Variants in ALKAL1 observed in about 807,000 individuals in gnomAD.
The protein encoded by ALKAL1 is ALK and LTK ligand 1.
A neutral mutation model predicts 13.5 loss-of-function variants in ALKAL1; 23 were observed. The ratio of observed to expected loss-of-function variants is 1.70; its 90% CI spans 1.23 to 2.41. The LOEUF (loss-of-function observed/expected upper bound fraction) is 2.41, where lower values mean the gene tolerates loss of function less well. Among genes scored for constraint, ALKAL1 ranks in the 30% most tolerant of loss-of-function variants. ALKAL1 has a pLI of 0.00. For synonymous variants in ALKAL1, 85 were observed against 77.7 expected, an observed-to-expected ratio of 1.09 and a Z score of -0.49; for missense variants, 181 against 178.4, an observed-to-expected ratio of 1.01 and a Z score of -0.08.
At chr8:52,542,247 C>G (rs977163082) in intron 2 of ALKAL1, 145 bp downstream of exon 2, 7 of 566,904 alleles carry the variant, frequency 1.2e-5, no homozygotes, top group Non-Finnish European at 1.9e-5. Flanking sequence ...ACAGTTAACA[C>G]AAGTTAGTAG....
At chr8:52,554,410 A>C (rs985141880) in intron 1 of ALKAL1, among the ~76,000 whole-genome samples, 1 of 152,222 alleles carries the variant, frequency 6.6e-6, no homozygotes, top group African/African-American at 2.4e-5. Flanking sequence ...ATTTATCAAC[A>C]AACAAAGCAA....
intron 4 of ALKAL1, among the ~76,000 whole-genome samples, chr8:52,535,385 CAA>C (rs879837990): frequency 4.1e-4 from 48 of 116,376 alleles, no homozygotes; most frequent in Admixed American, 6.3e-4. Flanking sequence ...CTGTTGCCAC[CAA>C]AAAAAAAAAA....
chr8:52,549,808 G>A (rs1563321814), intron 1 of ALKAL1, among the ~76,000 whole-genome samples: 2 of 151,992 alleles, frequency 1.3e-5, no homozygotes, highest in African/African-American at 2.4e-5. Flanking sequence ...CAGGCGTGGT[G>A]GCACACACCT....
Position 52,565,366 on chromosome 8 carries a change from C to A in ALKAL1, c.-110G>T. 1 of 902,764 alleles carries A rather than the reference C, an allele frequency of 1.1e-6. No homozygotes were observed. 55.9% of individuals were successfully genotyped at this position (902,764 alleles called of 1,614,324 possible). A position where few individuals can be genotyped will look rare whatever the true frequency, so the allele number is the denominator to read the frequency against. On this transcript the variant is annotated 5_prime_UTR_variant, in exon 1 of 5. Transcript: ENST00000358543. ...GCGGGACCACAGCGCGGCTACGCGG[C>A]CGGCCGCAGTCTTCACCGCGCGCCT...
At chr8:52,564,711 T>C (rs940980021) in intron 1 of ALKAL1, among the ~76,000 whole-genome samples, 16 of 152,030 alleles carry the variant, frequency 1.1e-4, no homozygotes, top group African/African-American at 3.9e-4. Context: ...CCCCGGAAGA[T>C]CCAGAAATGG....
chr8:52,553,000 C>T (rs1440358601), intron 1 of ALKAL1, among the ~76,000 whole-genome samples: 2 of 152,158 alleles, frequency 1.3e-5, no homozygotes, highest in African/African-American at 4.8e-5. Flanking sequence ...TATAAGTGAG[C>T]AACTTGATTT....
At chr8:52,539,479 T>C (rs943416887) in intron 3 of ALKAL1, among the ~76,000 whole-genome samples, 1 of 152,206 alleles carries the variant, frequency 6.6e-6, no homozygotes, top group Non-Finnish European at 1.5e-5. Flanking sequence ...AAAAAATTTT[T>C]ACTTAGAGTT....
At chr8:52,537,657 C>T (rs944003134) in intron 4 of ALKAL1, among the ~76,000 whole-genome samples, 1 of 151,914 alleles carries the variant, frequency 6.6e-6, no homozygotes, top group Admixed American at 6.6e-5. Flanking sequence ...GAATGAAATG[C>T]TATCATTCTA....
At chr8:52,545,801 T>C (rs1052131398) in intron 1 of ALKAL1, among the ~76,000 whole-genome samples, 1 of 152,202 alleles carries the variant, frequency 6.6e-6, no homozygotes, top group Non-Finnish European at 1.5e-5. Flanking sequence ...GGGCAAATAA[T>C]AGATGCAGAC....
intron 1 of ALKAL1, among the ~76,000 whole-genome samples, chr8:52,553,967 T>G (rs190518394): frequency 1.1e-4 from 16 of 152,336 alleles, no homozygotes; most frequent in African/African-American, 3.6e-4. Flanking sequence ...CTCATGCCTG[T>G]AATCCCAGCA....
chr8:52,540,360 G>C (rs1296518201), intron 2 of ALKAL1, among the ~76,000 whole-genome samples: 2 of 152,092 alleles, frequency 1.3e-5, no homozygotes, highest in African/African-American at 2.4e-5. Flanking sequence ...TTACTGTCTA[G>C]GATAATTGTA....
chr8:52,551,630 C>T (rs914946771), intron 1 of ALKAL1, among the ~76,000 whole-genome samples: 3 of 151,922 alleles, frequency 2.0e-5, no homozygotes, highest in Non-Finnish European at 4.4e-5. Flanking sequence ...TAAAACATCA[C>T]TCACTCCAGG....
Position 52,565,260 on chromosome 8 carries a change from C to T in ALKAL1, c.-4G>A. 1 of 1,305,196 alleles carries T rather than the reference C, an allele frequency of 7.7e-7. No individual in the cohort carries two copies. The highest frequency in any genetic ancestry group is 3.1e-5 in the East Asian group (1 of 31,850). The allele number at this position is 1,305,196 out of a possible 1,614,324, so 80.9% of individuals were successfully genotyped here. ...CGCCGGGCTTAAGGGGCCGCATGTT[C>T]GCAAGCCGGGAGGAGAGAGCGGGAG... On this transcript the variant is annotated 5_prime_UTR_variant, in exon 1 of 5. Transcript: ENST00000358543.
At chr8:52,561,005 C>G in intron 1 of ALKAL1, among the ~76,000 whole-genome samples, 1 of 152,124 alleles carries the variant, frequency 6.6e-6, no homozygotes, top group East Asian at 1.9e-4. Context: ...CTGTAGTAAT[C>G]ATTTCTTGTG....
intron 4 of ALKAL1, among the ~76,000 whole-genome samples, chr8:52,537,501 A>G (rs527756812): frequency 5.3e-5 from 8 of 152,306 alleles, no homozygotes; most frequent in Non-Finnish European, 1.0e-4. Context: ...GGAAATCAGT[A>G]TATCAAAGGG....
At chr8:52,553,238 T>C (rs776907979) in intron 1 of ALKAL1, among the ~76,000 whole-genome samples, 2 of 151,996 alleles carry the variant, frequency 1.3e-5, no homozygotes, top group African/African-American at 4.8e-5. Context: ...GTCCATGCTA[T>C]TTGGGAGGCT....
At chr8:52,562,170 C>T (rs1022844082) in intron 1 of ALKAL1, among the ~76,000 whole-genome samples, 1 of 152,026 alleles carries the variant, frequency 6.6e-6, no homozygotes, top group African/African-American at 2.4e-5. Context: ...AGAGCAGGAG[C>T]GAAGGTTACT....
rs1554517902 is a variant in ALKAL1 at position 52,557,980 on chromosome 8, A to AAG, written c.190+7086_190+7087insCT. On this transcript the variant is annotated intron_variant, in intron 1 of 4. Transcript: ENST00000358543. ...AGACTATGTCTGAAAAAAAAAAAAA[A>AAG]AAGAAGAAGAAGTATAAAATGTTCA... 4.2e-3 allele frequency among the ~76,000 whole-genome samples: 623 copies of AAG among 148,114 alleles called. 6 individuals are homozygous for AAG. Among genetic ancestry groups the AAG allele is most frequent in the African/African-American group, 0.015 (574 of 39,054 alleles).
At chr8:52,561,232 T>C (rs1847547527) in intron 1 of ALKAL1, among the ~76,000 whole-genome samples, 1 of 152,224 alleles carries the variant, frequency 6.6e-6, no homozygotes, top group Non-Finnish European at 1.5e-5. Context: ...GAATTTGGGC[T>C]GTACAAATAA....
Sources: gnomAD v4.1 joint callset for allele counts (sites outside exome capture counted in the v4.1 genomes callset) on GRCh38, gnomAD v4.1.1 for gene constraint, MANE v1.5 for transcripts, NCBI Gene and HGNC (gene_info 2026-07-23, HGNC 2026-07-21) for gene names.